Variants in PLEKHG1 observed in about 807,000 individuals in gnomAD.
PLEKHG1 encodes pleckstrin homology and RhoGEF domain containing G1, also known as pleckstrin homology domain-containing family G member 1.
Under a neutral mutation model 100.8 loss-of-function variants are expected in PLEKHG1, and 44 were observed. The ratio of observed to expected loss-of-function variants is 0.44; its 90% CI spans 0.34 to 0.56. The LOEUF (loss-of-function observed/expected upper bound fraction) is 0.56. Among genes scored for constraint, PLEKHG1 ranks in the 20% least tolerant of loss-of-function variants. The pLI is 0.01. For missense variants in PLEKHG1, 1,545 were observed against 1,720.9 expected (o/e 0.90, Z 1.81); for synonymous variants, 640 against 662.5 (o/e 0.97, Z 0.52).
chr6:150,681,625 C>T (rs996637501), intron 3 of PLEKHG1, among the ~76,000 whole-genome samples: 5 of 151,812 alleles, frequency 3.3e-5, no homozygotes, highest in Non-Finnish European at 7.4e-5. Context: ...CAGATGATTC[C>T]ACATCCTCCA....
At chr6:150,763,498 A>G (rs1784290476) in intron 2 of PLEKHG1, among the ~76,000 whole-genome samples, 1 of 152,192 alleles carries the variant, frequency 6.6e-6, no homozygotes, top group South Asian at 2.1e-4. Context: ...AACTAGGCCA[A>G]AAGTAGGCCT....
intron 14 of PLEKHG1, among the ~76,000 whole-genome samples, chr6:150,824,197 A>G (rs1776462005): frequency 1.3e-5 from 2 of 152,256 alleles, no homozygotes; most frequent in South Asian, 2.1e-4. Context: ...TTCCCCTGAG[A>G]AAAGCTTAGG....
chr6:150,674,836 C>T (rs936781737), intron 3 of PLEKHG1, among the ~76,000 whole-genome samples: 2 of 152,028 alleles, frequency 1.3e-5, no homozygotes, highest in Non-Finnish European at 2.9e-5. Flanking sequence ...GCACCTACCA[C>T]CATGCCTGGC....
At chr6:150,698,968 C>T (rs978525707) in intron 3 of PLEKHG1, among the ~76,000 whole-genome samples, 4 of 152,212 alleles carry the variant, frequency 2.6e-5, no homozygotes, top group Non-Finnish European at 5.9e-5. Context: ...GGTACAAAGG[C>T]ATATTTCAAA....
chr6:150,637,387 T>G (rs1287769419), intron 1 of PLEKHG1, among the ~76,000 whole-genome samples: 4 of 151,862 alleles, frequency 2.6e-5, no homozygotes, highest in African/African-American at 4.8e-5. Flanking sequence ...TGTTTGTTTT[T>G]GGGTTTTTTT....
rs1562427503 is a variant in PLEKHG1 at position 150,674,632 on chromosome 6, C to CTCTCTCTCTCTCTCTCTCT, written c.-99+23846_-99+23847insTCTCTCTCTCTCTCTCTCT. 5.7e-4 allele frequency among the ~76,000 whole-genome samples: 38 copies of CTCTCTCTCTCTCTCTCTCT among 66,336 alleles called. 5 individuals are homozygous for CTCTCTCTCTCTCTCTCTCT. Among genetic ancestry groups the CTCTCTCTCTCTCTCTCTCT allele is most frequent in the African/African-American group, 8.9e-4 (13 of 14,684 alleles). 43.5% of individuals were successfully genotyped at this position (66,336 alleles called of 152,430 possible). A position where few individuals can be genotyped will look rare whatever the true frequency, so the allele number is the denominator to read the frequency against. On this transcript the variant is annotated intron_variant, in intron 3 of 3. Transcript: ENST00000367326. ...CACCTGTAACTTTCTCTCTCTCCTC[C>CTCTCTCTCTCTCTCTCTCT]CTCTCTCTCTCTCTCTCTCTCTCTC... is the stretch of plus-strand genomic sequence containing the variant.
chr6:150,618,919 G>A (rs1169865177), intron 1 of PLEKHG1, among the ~76,000 whole-genome samples: 1 of 152,038 alleles, frequency 6.6e-6, no homozygotes, highest in African/African-American at 2.4e-5. Context: ...TCTCTATAAA[G>A]AAAATTTTTT....
At chr6:150,669,921 T>C (rs552715351) in intron 3 of PLEKHG1, among the ~76,000 whole-genome samples, 11 of 152,260 alleles carry the variant, frequency 7.2e-5, no homozygotes, top group African/African-American at 2.6e-4. Flanking sequence ...TAAACTTCAA[T>C]CAGGTCCTTA....
At chr6:150,804,155 T>TTATTTATATATATATATATATATATATA (rs1786879358) in intron 6 of PLEKHG1, among the ~76,000 whole-genome samples, 2 of 30,264 alleles carry the variant, frequency 6.6e-5, no homozygotes, top group Non-Finnish European at 1.1e-4. Flanking sequence ...TGTAAATATT[T>TTATTTATATATATATATATATATATATA]TATATATATA....
rs6937850 is a variant in PLEKHG1, at chr6:150,682,406, C to T, written c.-99+31620C>T. On this transcript the variant is annotated intron_variant, in intron 3 of 3. Coordinates refer to the PLEKHG1 transcript ENST00000367326. ...CGCATCTGTCAGAAGCCACCATCTC[C>T]GGGGGTCATTTTGTTCCTCAAGTGC... 5.1e-3 allele frequency among the ~76,000 whole-genome samples: 779 copies of T among 152,076 alleles called. 5 individuals are homozygous for T. The highest frequency in any genetic ancestry group is 0.018 in the African/African-American group (736 of 41,466).
intron 2 of PLEKHG1, among the ~76,000 whole-genome samples, chr6:150,745,906 C>T (rs986985498): frequency 6.6e-6 from 1 of 151,796 alleles, no homozygotes; most frequent in Non-Finnish European, 1.5e-5. Flanking sequence ...CACCGGCCAC[C>T]CTGGAGAACA....
intron 4 of PLEKHG1, among the ~76,000 whole-genome samples, chr6:150,793,471 G>C (rs981730865): frequency 1.1e-4 from 16 of 152,146 alleles, no homozygotes; most frequent in African/African-American, 3.6e-4. Context: ...GAGTAACCAA[G>C]AGTTCATAGA....
chr6:150,755,709 C>T (rs1783799120), intron 2 of PLEKHG1, among the ~76,000 whole-genome samples: 2 of 152,148 alleles, frequency 1.3e-5, no homozygotes, highest in African/African-American at 4.8e-5. Flanking sequence ...GTCCTAGACC[C>T]AGACTGCCTG....
chr6:150,681,031 A>G (rs1779911346), intron 3 of PLEKHG1, among the ~76,000 whole-genome samples: 2 of 152,212 alleles, frequency 1.3e-5, no homozygotes, highest in South Asian at 4.1e-4. Context: ...ATTTACAATT[A>G]CATTTTTCAT....
chr6:150,814,112 C>A (rs1290242368), intron 10 of PLEKHG1, among the ~76,000 whole-genome samples: 2 of 152,100 alleles, frequency 1.3e-5, no homozygotes, highest in Admixed American at 1.3e-4. Context: ...TTCATTTCGT[C>A]AGGGTGTTAT....
At chr6:150,800,744 A>T (rs1299403974) in exon 6 of PLEKHG1, 1 of 1,614,062 alleles carries the variant, frequency 6.2e-7, no homozygotes, top group Non-Finnish European at 8.5e-7. Context: ...AACAGAGTGT[A>T]TGAGGAACAA....
chr6:150,691,472 CTTAAG>C (rs1214552571), intron 3 of PLEKHG1, among the ~76,000 whole-genome samples: 5 of 152,142 alleles, frequency 3.3e-5, no homozygotes, highest in Non-Finnish European at 7.4e-5. Flanking sequence ...AAACCAGATA[CTTAAG>C]TTATTATTGC....
At chr6:150,781,959 C>T (rs1454222288) in intron 3 of PLEKHG1, among the ~76,000 whole-genome samples, 2 of 149,976 alleles carry the variant, frequency 1.3e-5, no homozygotes, top group South Asian at 2.1e-4. Flanking sequence ...TTTGTATTTT[C>T]AGTAGAGACA....
Position 150,608,953 on chromosome 6 carries a change from T to C in PLEKHG1, c.-204+8936T>C, listed in dbSNP as rs141706214. Among the ~76,000 whole-genome samples the C allele has an allele frequency of 2.6e-4, 40 of 152,350 alleles. 1 individual carries two copies. The East Asian group carries it at 7.5e-3, about 29-fold the overall frequency. On this transcript the variant is annotated intron_variant, in intron 1 of 3. Transcript: ENST00000367326. ...AAGCCTTTGATAAATAGTGGGTATC[T>C]TATTGTGTTTACTGGTTGTCACACA...
Sources: allele counts gnomAD v4.1 joint callset (sites outside exome capture counted in the v4.1 genomes callset), GRCh38; gene constraint gnomAD v4.1.1; transcripts MANE v1.5; gene names NCBI Gene and HGNC (gene_info 2026-07-23, HGNC 2026-07-21).